Variants in SNTG1 observed in about 807,000 individuals in gnomAD.
SNTG1 encodes syntrophin gamma 1, also known as gamma-1-syntrophin.
A neutral mutation model predicts 74.7 loss-of-function variants in SNTG1; 39 were observed. The observed-to-expected ratio is 0.52, with a 90% CI of 0.40 to 0.68. SNTG1 has a LOEUF of 0.68. SNTG1 is among the 30% of genes least tolerant of loss of function. The pLI is 0.00. For synonymous variants in SNTG1, 254 were observed against 217.1 expected (o/e 1.17, Z -1.49); for missense variants, 685 against 609.5 (o/e 1.12, Z -1.30).
At position 50,397,216 on chromosome 8, in the gene SNTG1, CTTTA is replaced by C. The variant is rs574458686; in HGVS notation, c.27+2957_27+2960del. 1.7e-3 allele frequency among the ~76,000 whole-genome samples: 261 copies of C among 152,132 alleles called. 1 individual carries two copies. Among genetic ancestry groups the C allele is most frequent in the Non-Finnish European group, 3.4e-3 (228 of 68,004 alleles). ...TACAGTATCTATATCACATGCATTC[CTTTA>C]TTTATGTGCAATGGTATGCAAAGTC... On this transcript the variant is annotated intron_variant, in intron 3 of 18. Coordinates refer to ENST00000642720, the MANE Select transcript of SNTG1 (RefSeq NM_018967.5).
intron 12 of SNTG1, 132 bp downstream of exon 12, chr8:50,553,311 AT>A: frequency 4.2e-6 from 5 of 1,197,432 alleles, no homozygotes; most frequent in Non-Finnish European, 5.7e-6. Flanking sequence ...CTATTCTGGA[AT>A]ACTTATTGTA....
chr8:50,213,088 A>G (rs1286616380), intron 2 of SNTG1, among the ~76,000 whole-genome samples: 1 of 152,176 alleles, frequency 6.6e-6, no homozygotes, highest in Non-Finnish European at 1.5e-5. Context: ...CACATATATC[A>G]TCTTCCCTAT....
intron 18 of SNTG1, among the ~76,000 whole-genome samples, chr8:50,792,351 T>C (rs189431372): frequency 9.9e-5 from 15 of 152,016 alleles, no homozygotes; most frequent in Admixed American, 8.5e-4. Context: ...TAAAAGTACT[T>C]CCAAGTTTAT....
chr8:50,375,815 T>C (rs1361561488), intron 2 of SNTG1, among the ~76,000 whole-genome samples: 1 of 152,140 alleles, frequency 6.6e-6, no homozygotes, highest in Admixed American at 6.5e-5. Context: ...ATGTTTTATA[T>C]ATGCATGGGA....
At chr8:50,098,047 G>A (rs1439127404) in intron 1 of SNTG1, among the ~76,000 whole-genome samples, 1 of 151,944 alleles carries the variant, frequency 6.6e-6, no homozygotes. Context: ...TCTTATAATT[G>A]TCATTATTAT....
At chr8:50,458,456 G>C (rs540055821) in intron 8 of SNTG1, among the ~76,000 whole-genome samples, 1 of 152,034 alleles carries the variant, frequency 6.6e-6, no homozygotes, top group African/African-American at 2.4e-5. Flanking sequence ...TGATATGACA[G>C]ACAAAGAATA....
At position 50,536,696 on chromosome 8, in the gene SNTG1, T is replaced by C. The variant is rs776505030; in HGVS notation, c.568T>C (p.Ser190Pro). Residue 190 changes from serine to proline, a missense_variant, in exon 11 of 19, where the codon TCG becomes CCG. Ser to Pro is a moderately conservative substitution (Grantham distance 74). Coordinates refer to ENST00000642720, the MANE Select transcript of SNTG1 (RefSeq NM_018967.5). ...PNNTDTLSCS[S>P]WPTSPGLRWE... The stretch of plus-strand genomic sequence containing the variant: ...CTTTCAGGACACATTATCATGCTCG[T>C]CGTGGCCGACGTCTCCAGGCTTGAG... 3 of 1,613,796 alleles carry C rather than the reference T, an allele frequency of 1.9e-6. No individual in the cohort carries two copies. The highest frequency in any genetic ancestry group is 2.7e-5 in the African/African-American group (2 of 74,928).
At chr8:49,991,278 A>G (rs1011378475) in intron 1 of SNTG1, among the ~76,000 whole-genome samples, 27 of 152,088 alleles carry the variant, frequency 1.8e-4, no homozygotes, top group African/African-American at 6.3e-4. Flanking sequence ...TGTGATCAAA[A>G]AGAAAGGTAA....
chr8:50,531,383 C>T (rs192007757), intron 10 of SNTG1, among the ~76,000 whole-genome samples: 46 of 151,844 alleles, frequency 3.0e-4, no homozygotes, highest in Non-Finnish European at 5.0e-4. Flanking sequence ...CATTTAAAAC[C>T]ACAATACAGC....
intron 18 of SNTG1, among the ~76,000 whole-genome samples, chr8:50,768,417 T>C (rs2095619088): frequency 6.6e-6 from 1 of 152,018 alleles, no homozygotes; most frequent in African/African-American, 2.4e-5. Flanking sequence ...TTTTCAAAGC[T>C]CCTGACTGAA....
In SNTG1 at chr8:50,442,353, A is replaced by T. The variant is rs1416274747; in HGVS notation, c.219+3754A>T. ...GACACACATTTGCACCGGTCCCTCC[A>T]CTGTCTTTAAGTGAAGCAAATCCCT... is the stretch of plus-strand genomic sequence containing the variant. On this transcript the variant is annotated intron_variant, in intron 5 of 18. Transcript: ENST00000642720. Among the ~76,000 whole-genome samples, 4 of 152,244 alleles carry T rather than the reference A, an allele frequency of 2.6e-5. No homozygotes were observed. In the East Asian group the frequency reaches 7.7e-4, roughly 29 times the overall value.
chr8:50,701,628 TTCC>T (rs1156899965), intron 15 of SNTG1, among the ~76,000 whole-genome samples: 1 of 150,896 alleles, frequency 6.6e-6, no homozygotes, highest in Non-Finnish European at 1.5e-5. Flanking sequence ...CGTGTTCCTC[TTCC>T]TCTTCTTCTT....
chr8:50,501,010 G>A (rs926234091), intron 8 of SNTG1, among the ~76,000 whole-genome samples: 1 of 152,120 alleles, frequency 6.6e-6, no homozygotes, highest in African/African-American at 2.4e-5. Context: ...CACGTATGAG[G>A]AGGTACCCCT....
intron 2 of SNTG1, 57 bp from the exon 3 acceptor site, chr8:50,394,155 G>A: frequency 2.2e-6 from 3 of 1,395,248 alleles, no homozygotes; most frequent in Non-Finnish European, 3.0e-6. Context: ...CTATATTAGT[G>A]TTCTCTCTTA....
In SNTG1 at chr8:50,485,311, C is replaced by T. The variant is rs1291454502; in HGVS notation, c.364-17467C>T. On this transcript the variant is annotated intron_variant, in intron 8 of 18. Transcript: ENST00000642720. ...GATGTCAGTATTATTAGCACAGAGG[C>T]CAAAAAAACACTTTGAATCCTTTTA... 2.6e-5 allele frequency among the ~76,000 whole-genome samples: 4 copies of T among 152,020 alleles called. No homozygotes were observed. The East Asian group carries it at 7.7e-4, about 29-fold the overall frequency.
chr8:50,219,400 A>G (rs2084949344), intron 2 of SNTG1, among the ~76,000 whole-genome samples: 1 of 152,176 alleles, frequency 6.6e-6, no homozygotes, highest in African/African-American at 2.4e-5. Context: ...TTGTGAGCAA[A>G]TTTTAGAAGA....
intron 1 of SNTG1, among the ~76,000 whole-genome samples, chr8:49,963,752 C>T (rs929071107): frequency 3.9e-5 from 6 of 152,192 alleles, no homozygotes; most frequent in African/African-American, 9.7e-5. Context: ...CTATGAATAG[C>T]TCCCACTTTA....
intron 18 of SNTG1, among the ~76,000 whole-genome samples, chr8:50,760,798 G>A (rs1300775190): frequency 4.6e-5 from 7 of 151,814 alleles, no homozygotes; most frequent in African/African-American, 1.5e-4. Flanking sequence ...TCCTGGACAC[G>A]TACACCTTCC....
At chr8:50,474,749 A>G (rs2093682305) in intron 8 of SNTG1, among the ~76,000 whole-genome samples, 1 of 152,122 alleles carries the variant, frequency 6.6e-6, no homozygotes, top group Non-Finnish European at 1.5e-5. Flanking sequence ...AAGATTATAA[A>G]TCATGCTGCT....
Sources: gnomAD v4.1 joint callset for allele counts (sites outside exome capture counted in the v4.1 genomes callset) on GRCh38, gnomAD v4.1.1 for gene constraint, MANE v1.5 for transcripts, NCBI Gene and HGNC (gene_info 2026-07-23, HGNC 2026-07-21) for gene names.